The following COL6A5 variants were observed in gnomAD, a reference collection of about 807,000 sequenced individuals.
COL6A5 encodes collagen type VI alpha 5 chain.
In COL6A5, 48 loss-of-function variants were observed where a neutral mutation model predicts 65.6. The observed-to-expected ratio is 0.73, with a 90% CI of 0.58 to 0.93. COL6A5 has a LOEUF of 0.93. Ranked by LOEUF, COL6A5 falls within the 40% of genes least tolerant of loss-of-function variation. COL6A5 has a pLI of 0.00. For synonymous variants in COL6A5, 291 were observed against 322.8 expected, an observed-to-expected ratio of 0.90 and a Z score of 1.05; for missense variants, 914 against 928.3, an observed-to-expected ratio of 0.98 and a Z score of 0.20.
Position 130,356,571 on chromosome 3 carries a change from A to G in COL6A5, c.-29+10590A>G, listed in dbSNP as rs533130585. On this transcript the variant is annotated intron_variant and NMD_transcript_variant, in intron 1 of 41. Coordinates refer to the COL6A5 transcript ENST00000312481. ...CTTTTGCACCGACCTAATATATACTAGGTTATATATAGGGGAAACTTTGAC... is the reference window on the plus strand; with the variant it reads ...CTTTTGCACCGACCTAATATATACTGGGTTATATATAGGGGAAACTTTGAC... Among the ~76,000 whole-genome samples the G allele has an allele frequency of 6.6e-5, 10 of 152,060 alleles. No individual in the cohort carries two copies. In the South Asian group the frequency reaches 1.9e-3, roughly 29 times the overall value.
chr3:130,449,108 T>C (rs906986340), intron 4 of COL6A5, among the ~76,000 whole-genome samples: 2 of 152,184 alleles, frequency 1.3e-5, no homozygotes, highest in Admixed American at 6.5e-5. Flanking sequence ...CAGAAACCAA[T>C]TGAGTTAAAG....
intron 2 of COL6A5, among the ~76,000 whole-genome samples, 174 bp from the exon 35 acceptor site, chr3:130,439,992 G>A (rs763625221): frequency 2.0e-5 from 3 of 152,108 alleles, no homozygotes; most frequent in African/African-American, 4.8e-5. Flanking sequence ...GCTAGTGCCC[G>A]GAGAAGTACC....
chr3:130,413,572 G>A (rs1559888851), exon 21 of COL6A5: 1 of 1,549,186 alleles, frequency 6.5e-7, no homozygotes, highest in East Asian at 2.4e-5. Context: ...GGGACTCCGA[G>A]GTGTCTCAGT....
At chr3:130,379,964 AC>A (rs1484539990) in exon 4 of COL6A5, 2 of 1,551,210 alleles carry the variant, frequency 1.3e-6, no homozygotes, top group Non-Finnish European at 1.7e-6. Context: ...TTAGAAACTT[AC>A]AGTACAAAGT....
chr3:130,471,883 A>G, intron 7 of COL6A5: 1 of 1,534,900 alleles, frequency 6.5e-7, no homozygotes. Context: ...CACATTTAGA[A>G]GAAATTTCAG....
intron 1 of COL6A5, among the ~76,000 whole-genome samples, chr3:130,369,758 A>G (rs937238935): frequency 1.3e-5 from 2 of 152,176 alleles, no homozygotes; most frequent in African/African-American, 2.4e-5. Flanking sequence ...CCCCATCTCT[A>G]TGTGGCTGAT....
chr3:130,457,560 A>T (rs901011736), intron 5 of COL6A5, among the ~76,000 whole-genome samples: 22 of 152,126 alleles, frequency 1.4e-4, no homozygotes, highest in African/African-American at 5.1e-4. Flanking sequence ...ATCCTACCCC[A>T]CCCAGTTTCT....
At chr3:130,433,572 T>A (rs1314178830) in intron 1 of COL6A5, among the ~76,000 whole-genome samples, 1 of 152,100 alleles carries the variant, frequency 6.6e-6, no homozygotes, top group Admixed American at 6.5e-5. Context: ...CTTGCACTCT[T>A]CTCCACTCAG....
chr3:130,432,060 T>C (rs1203764799), intron 1 of COL6A5, 111 bp downstream of exon 33: 2 of 1,116,304 alleles, frequency 1.8e-6, no homozygotes, highest in African/African-American at 3.2e-5. Flanking sequence ...TCTTGAAAAC[T>C]CCTTTACAGT....
At chr3:130,379,484 T>C (rs1382827771) in exon 4 of COL6A5, 2 of 1,551,200 alleles carry the variant, frequency 1.3e-6, no homozygotes, top group Admixed American at 2.0e-5. Context: ...GATGAGTCAC[T>C]TGGGACCGGA....
At chr3:130,440,938 G>T in intron 3 of COL6A5, 113 bp downstream of exon 35, 1 of 817,206 alleles carries the variant, frequency 1.2e-6, no homozygotes, top group Non-Finnish European at 1.9e-6. Flanking sequence ...TTATGAATTA[G>T]ATGGTGAGAT....
chr3:130,386,981 A>G (rs1936211891), intron 5 of COL6A5, among the ~76,000 whole-genome samples: 2 of 151,620 alleles, frequency 1.3e-5, no homozygotes, highest in Non-Finnish European at 2.9e-5. Context: ...AAGACCCCAG[A>G]CTACACAGTA....
chr3:130,366,306 G>A (rs1234409642), intron 1 of COL6A5, among the ~76,000 whole-genome samples: 1 of 152,174 alleles, frequency 6.6e-6, no homozygotes. Flanking sequence ...TGATGCCTGG[G>A]CTCTGATAGA....
At position 130,378,844 on chromosome 3, in the gene COL6A5, G is replaced by A. The variant is rs566874388; in HGVS notation, c.668-574G>A. Among the ~76,000 whole-genome samples, 18 of 152,266 alleles carry A rather than the reference G, an allele frequency of 1.2e-4. No homozygotes were observed. The South Asian group carries it at 3.5e-3, about 30-fold the overall frequency. On this transcript the variant is annotated intron_variant and NMD_transcript_variant, in intron 3 of 41. Coordinates refer to the COL6A5 transcript ENST00000312481. The stretch of plus-strand genomic sequence containing the variant: ...CCCTTAACCACAGTGTAGTCACTCA[G>A]TCAAGTCACCTGTTTTATTTCCTTG...
At chr3:130,354,669 G>A (rs982366967) in intron 1 of COL6A5, among the ~76,000 whole-genome samples, 6 of 152,194 alleles carry the variant, frequency 3.9e-5, no homozygotes, top group Non-Finnish European at 7.4e-5. Flanking sequence ...TACTTGAAGA[G>A]TCATCTAGCC....
At chr3:130,449,204 C>T (rs528637754) in intron 4 of COL6A5, among the ~76,000 whole-genome samples, 149 of 152,228 alleles carry the variant, frequency 9.8e-4, no homozygotes, top group African/African-American at 3.3e-3. Flanking sequence ...GATTCGGAGG[C>T]GTGGCAGCGG....
At chr3:130,421,450 A>G (rs1346271902) in intron 27 of COL6A5, 90 bp downstream of exon 27, 1 of 1,242,740 alleles carries the variant, frequency 8.0e-7, no homozygotes, top group Non-Finnish European at 1.1e-6. Context: ...TGAAATGGGG[A>G]CAATAAGGAG....
At chr3:130,389,133 T>C (rs1268313572) in exon 6 of COL6A5, 3 of 1,419,908 alleles carry the variant, frequency 2.1e-6, no homozygotes, top group Non-Finnish European at 2.8e-6. Context: ...GTGCTCTCCA[T>C]GGTAAGTGTC....
In COL6A5 at chr3:130,362,314, ATATATATATATATTTTTT is replaced by A. The variant is rs1239746199; in HGVS notation, c.-28-11295_-28-11278del. On this transcript the variant is annotated intron_variant and NMD_transcript_variant, in intron 1 of 41. Transcript: ENST00000312481. ...CATATATATATATATATATATATAT[ATATATATATATATTTTTT>A]TTTTTTTTTTTTTTTGCATGTGGAT... is the stretch of plus-strand genomic sequence containing the variant. 5.9e-3 allele frequency among the ~76,000 whole-genome samples: 91 copies of A among 15,494 alleles called. 3 individuals are homozygous for A. The highest frequency in any genetic ancestry group is 8.5e-3 in the South Asian group (3 of 352). 10.2% of individuals were successfully genotyped at this position (15,494 alleles called of 152,430 possible).
Sources: gnomAD v4.1 joint callset for allele counts (sites outside exome capture counted in the v4.1 genomes callset) on GRCh38, gnomAD v4.1.1 for gene constraint, MANE v1.5 for transcripts, NCBI Gene and HGNC (gene_info 2026-07-23, HGNC 2026-07-21) for gene names.